Variants in ADGRV1 observed in about 807,000 individuals in gnomAD.
ADGRV1 encodes adhesion G protein-coupled receptor V1.
In ADGRV1, 359 loss-of-function variants were observed where a neutral mutation model predicts 596.2. The observed-to-expected ratio is 0.60, with a 90% CI of 0.55 to 0.66. ADGRV1 has a LOEUF of 0.66. ADGRV1 is among the 30% of genes least tolerant of loss of function. The pLI is 0.00. For missense variants in ADGRV1, 7,274 were observed against 7,575.6 expected, an observed-to-expected ratio of 0.96 and a Z score of 1.48; for synonymous variants, 2,681 against 2,679.2, an observed-to-expected ratio of 1.00 and a Z score of -0.02.
At chr5:91,094,836 G>T (rs946896342) in intron 86 of ADGRV1, among the ~76,000 whole-genome samples, 1 of 152,158 alleles carries the variant, frequency 6.6e-6, no homozygotes, top group Non-Finnish European at 1.5e-5. Flanking sequence ...CTTAAGAGAA[G>T]TGAAGATGCA....
chr5:90,922,271 A>T (rs1489669343), intron 83 of ADGRV1, among the ~76,000 whole-genome samples: 2 of 152,140 alleles, frequency 1.3e-5, no homozygotes, highest in African/African-American at 2.4e-5. Context: ...AATGTCAGTT[A>T]TCTTTCTAAA....
At chr5:90,962,965 T>A (rs796870405) in intron 83 of ADGRV1, among the ~76,000 whole-genome samples, 7 of 152,302 alleles carry the variant, frequency 4.6e-5, no homozygotes, top group African/African-American at 1.7e-4. Context: ...AAAAGAATTA[T>A]TTAAGTTAGC....
intron 17 of ADGRV1, 45 bp from the exon 18 acceptor site, chr5:90,651,559 G>C: frequency 7.2e-7 from 1 of 1,381,244 alleles, no homozygotes; most frequent in East Asian, 2.4e-5. Flanking sequence ...TTTACAGCAA[G>C]TTAGCTACTT....
chr5:90,932,271 C>T (rs1236844522), intron 83 of ADGRV1, among the ~76,000 whole-genome samples: 1 of 152,126 alleles, frequency 6.6e-6, no homozygotes, highest in African/African-American at 2.4e-5. Context: ...CATCTCATCA[C>T]GTCTACATTG....
At chr5:90,655,264 A>G (rs1333724515) in intron 20 of ADGRV1, 1 of 152,092 alleles carries the variant, frequency 6.6e-6, no homozygotes, top group Non-Finnish European at 1.5e-5. Context: ...CACTTTTCCT[A>G]TTTTTAAATT....
chr5:90,709,022 T>G (rs1415310432), intron 39 of ADGRV1, 113 bp downstream of exon 39: 3 of 675,988 alleles, frequency 4.4e-6, no homozygotes, highest in African/African-American at 3.6e-5. Context: ...AGCTATGTGT[T>G]AAAATATGAT....
chr5:90,660,909 CTG>C (rs1770181511), intron 21 of ADGRV1, among the ~76,000 whole-genome samples: 1 of 152,092 alleles, frequency 6.6e-6, no homozygotes, highest in South Asian at 2.1e-4. Flanking sequence ...GGTAATTATT[CTG>C]TGATTTGTTT....
In ADGRV1 at chr5:91,164,358, T is replaced by G. The variant is rs531680624; in HGVS notation, c.*458T>G. The G allele has an allele frequency of 4.2e-6, 1 of 237,724 alleles. No individual in the cohort carries two copies. Among genetic ancestry groups the G allele is most frequent in the East Asian group, 9.9e-5 (1 of 10,054 alleles). 14.7% of individuals were successfully genotyped at this position (237,724 alleles called of 1,614,324 possible). On this transcript the variant is annotated 3_prime_UTR_variant, in exon 90 of 90. Coordinates refer to ENST00000405460, the MANE Select transcript of ADGRV1 (RefSeq NM_032119.4). ...TCCAGATTCAAGACTTCACTGCAAC[T>G]AGAAGACTTTAATTCTGAAAACTGT...
chr5:90,909,617 G>A (rs116144488), intron 83 of ADGRV1, among the ~76,000 whole-genome samples: 216 of 99,698 alleles, frequency 2.2e-3, no homozygotes, highest in African/African-American at 5.6e-3. Context: ...GTGAGAATAC[G>A]CAAAAAGAAA....
intron 1 of ADGRV1, among the ~76,000 whole-genome samples, chr5:90,602,403 G>A (rs1390055707): frequency 1.3e-5 from 2 of 152,106 alleles, no homozygotes; most frequent in Admixed American, 6.5e-5. Context: ...ATACCACCTC[G>A]GCCAGGTAAC....
chr5:90,764,057 G>A lies in ADGRV1; in HGVS notation c.12285+588G>A, dbSNP rs147590816. Among the ~76,000 whole-genome samples, 114 of 152,260 alleles carry A rather than the reference G, an allele frequency of 7.5e-4. 1 individual carries two copies. The highest frequency in any genetic ancestry group is 2.6e-3 in the African/African-American group (106 of 41,548). ...AAGGATGGTAAAAAGCGATCATGTT[G>A]GAATGTATTGGGGTCTCTTGGGGAG... On this transcript the variant is annotated intron_variant, in intron 59 of 89. Coordinates refer to ENST00000405460, the MANE Select transcript of ADGRV1 (RefSeq NM_032119.4).
At chr5:91,035,045 C>T (rs1428883359) in intron 85 of ADGRV1, among the ~76,000 whole-genome samples, 3 of 152,116 alleles carry the variant, frequency 2.0e-5, no homozygotes, top group South Asian at 2.1e-4. Flanking sequence ...AGATGTGAGC[C>T]GCTGCATCCA....
chr5:91,125,706 C>T (rs1283661216), intron 87 of ADGRV1, among the ~76,000 whole-genome samples: 3 of 152,156 alleles, frequency 2.0e-5, no homozygotes, highest in Non-Finnish European at 4.4e-5. Flanking sequence ...AGAAGAGTTG[C>T]ACGGCCTTAA....
chr5:90,747,115 C>T (rs80285395), intron 52 of ADGRV1, among the ~76,000 whole-genome samples: 1,780 of 152,154 alleles, frequency 0.012, 35 homozygotes, highest in African/African-American at 0.041. Context: ...TCAGTAAGGG[C>T]TGTTTGGAGG....
At chr5:90,926,897 T>C (rs982506828) in intron 83 of ADGRV1, among the ~76,000 whole-genome samples, 13 of 152,146 alleles carry the variant, frequency 8.5e-5, no homozygotes, top group Admixed American at 2.0e-4. Flanking sequence ...ATGTACCCAG[T>C]AGTCATTCAG....
intron 83 of ADGRV1, among the ~76,000 whole-genome samples, chr5:90,875,124 G>T (rs1319910652): frequency 6.6e-6 from 1 of 152,104 alleles, no homozygotes; most frequent in African/African-American, 2.4e-5. Context: ...AGCCTGCAGT[G>T]AGCTATGATT....
Position 90,658,150 on chromosome 5 carries a change from A to G in ADGRV1, c.4624A>G (p.Ile1542Val), listed in dbSNP as rs1347510608. 16 of 1,613,084 alleles carry G rather than the reference A, an allele frequency of 9.9e-6. No homozygotes were observed. Among genetic ancestry groups the G allele is most frequent in the Non-Finnish European group, 1.3e-5 (15 of 1,179,314 alleles). The change falls in exon 21 of 90, where the codon ATT (isoleucine) becomes GTT (valine). Residue 1542 changes from isoleucine to valine, a missense_variant. Coordinates refer to ENST00000405460, the MANE Select transcript of ADGRV1 (RefSeq NM_032119.4). ...DNDEEGEELF[I>V]LKLVSVYGGA... ...TGACGAGGAAGGAGAAGAATTATTC[A>G]TTCTTAAACTAGTTTCTGTATATGG...
chr5:90,765,429 CCACACACACACACACACACA>C (rs531033246), intron 59 of ADGRV1, among the ~76,000 whole-genome samples: 4 of 136,360 alleles, frequency 2.9e-5, no homozygotes, highest in Non-Finnish European at 4.7e-5. Flanking sequence ...AAATCACAGA[CCACACACACACACACACACA>C]CACACACACA....
intron 85 of ADGRV1, among the ~76,000 whole-genome samples, chr5:91,025,207 T>G (rs1046179485): frequency 2.0e-5 from 3 of 152,170 alleles, no homozygotes; most frequent in African/African-American, 7.2e-5. Context: ...ACTCTTTCTC[T>G]TATTCACAGT....
Sources: gnomAD v4.1 joint callset for allele counts (sites outside exome capture counted in the v4.1 genomes callset) on GRCh38, gnomAD v4.1.1 for gene constraint, MANE v1.5 for transcripts, NCBI Gene and HGNC (gene_info 2026-07-23, HGNC 2026-07-21) for gene names.